Variants in TNRC6B observed in about 807,000 individuals in gnomAD.
TNRC6B encodes the protein trinucleotide repeat-containing gene 6B protein.
Under a neutral mutation model 203.6 loss-of-function variants are expected in TNRC6B, and 52 were observed. The ratio of observed to expected loss-of-function variants is 0.26; its 90% CI spans 0.20 to 0.32. The LOEUF is 0.32. Ranked by LOEUF, TNRC6B falls within the 10% of genes least tolerant of loss-of-function variation. The pLI is 1.00. For missense variants in TNRC6B, 1,923 were observed against 2,286.2 expected (o/e 0.84, Z 3.24); for synonymous variants, 838 against 845.7 (o/e 0.99, Z 0.16).
At chr22:40,227,823 C>T (rs950183212) in intron 1 of TNRC6B, among the ~76,000 whole-genome samples, 2 of 152,130 alleles carry the variant, frequency 1.3e-5, no homozygotes, top group African/African-American at 4.8e-5. Flanking sequence ...AAGGAAAACA[C>T]CTGAATGTTT....
Position 40,323,952 on chromosome 22 carries a change from TC to T in TNRC6B, c.*714del, listed in dbSNP as rs2071372535. ...GTCTCTGTGTGTGTGCCTGTGTTCT[TC>T]CCTTCTCCCCTGCCCCACCCTGACT... On this transcript the variant is annotated 3_prime_UTR_variant, in exon 23 of 23. Coordinates refer to ENST00000454349, the MANE Select transcript of TNRC6B (RefSeq NM_001162501.2). The T allele has an allele frequency of 6.6e-6, 1 of 152,448 alleles. No individual in the cohort carries two copies. Among genetic ancestry groups the T allele is most frequent in the Non-Finnish European group, 1.5e-5 (1 of 68,156 alleles). 9.4% of individuals were successfully genotyped at this position (152,448 alleles called of 1,614,324 possible).
At chr22:40,164,503 C>CCTAT (rs1198642204) in intron 4 of TNRC6B, among the ~76,000 whole-genome samples, 3 of 149,098 alleles carry the variant, frequency 2.0e-5, no homozygotes, top group Non-Finnish European at 4.5e-5. Flanking sequence ...TGGCTCAATG[C>CCTAT]CTATAATCCA....
intron 21 of TNRC6B, among the ~76,000 whole-genome samples, chr22:40,319,422 CTTTT>C (rs374148213): frequency 3.0e-4 from 34 of 112,732 alleles, no homozygotes; most frequent in Middle Eastern, 4.9e-3. Context: ...CTTTTCTTTT[CTTTT>C]TTTTTTTTTT....
intron 1 of TNRC6B, among the ~76,000 whole-genome samples, chr22:40,074,235 C>CAAAAAAAAAAAA (rs944802253): frequency 1.5e-5 from 1 of 68,400 alleles, no homozygotes. Flanking sequence ...CGCTCTGTCT[C>CAAAAAAAAAAAA]AAAAAAAAAA....
At chr22:40,214,549 GTTTTT>G (rs71735740) in intron 1 of TNRC6B, among the ~76,000 whole-genome samples, 1 of 148,208 alleles carries the variant, frequency 6.7e-6, no homozygotes, top group African/African-American at 2.5e-5. Flanking sequence ...TCTTTCTGTG[GTTTTT>G]TTTTTTATTT....
chr22:40,220,461 T>A (rs1479143548), intron 1 of TNRC6B, among the ~76,000 whole-genome samples: 1 of 151,550 alleles, frequency 6.6e-6, no homozygotes, highest in Non-Finnish European at 1.5e-5. Flanking sequence ...GTGACTTAGA[T>A]GGGAGATTGG....
At chr22:40,058,502 C>T (rs1184988118) in intron 1 of TNRC6B, among the ~76,000 whole-genome samples, 1 of 152,232 alleles carries the variant, frequency 6.6e-6, no homozygotes, top group Admixed American at 6.5e-5. Context: ...GGGACTCAAC[C>T]GATGCAGCAC....
At chr22:40,152,322 TTTTG>T (rs901255166) in intron 3 of TNRC6B, among the ~76,000 whole-genome samples, 4 of 152,126 alleles carry the variant, frequency 2.6e-5, no homozygotes, top group East Asian at 3.9e-4. Context: ...ACTTCAACGT[TTTTG>T]TTTGTTTGTT....
At chr22:40,117,856 A>T (rs528595114) in intron 2 of TNRC6B, among the ~76,000 whole-genome samples, 1 of 152,132 alleles carries the variant, frequency 6.6e-6, no homozygotes, top group African/African-American at 2.4e-5. Context: ...TCAATATTTT[A>T]TATTAAAGTT....
intron 4 of TNRC6B, among the ~76,000 whole-genome samples, chr22:40,159,575 C>A (rs1601849237): frequency 6.6e-6 from 1 of 151,608 alleles, no homozygotes; most frequent in Non-Finnish European, 1.5e-5. Context: ...GAAGGCGGAG[C>A]TTGCAGTGAG....
intron 1 of TNRC6B, among the ~76,000 whole-genome samples, chr22:40,196,171 A>G (rs1451481995): frequency 6.6e-6 from 1 of 150,484 alleles, no homozygotes; most frequent in Non-Finnish European, 1.5e-5. Context: ...CCTCTAATGG[A>G]TTTTTTTCTT....
At chr22:40,298,688 C>T (rs868372011) in intron 12 of TNRC6B, among the ~76,000 whole-genome samples, 4 of 151,052 alleles carry the variant, frequency 2.6e-5, no homozygotes, top group Admixed American at 6.6e-5. Context: ...GAGCTGGGGC[C>T]GGGCGCGGTG....
At chr22:40,256,570 A>G (rs1410660072) in intron 3 of TNRC6B, among the ~76,000 whole-genome samples, 2 of 152,238 alleles carry the variant, frequency 1.3e-5, no homozygotes, top group Non-Finnish European at 2.9e-5. Flanking sequence ...TTCATATTTC[A>G]CTGTCCGTAA....
chr22:40,108,708 G>A (rs983365381), intron 1 of TNRC6B, among the ~76,000 whole-genome samples: 1 of 152,180 alleles, frequency 6.6e-6, no homozygotes, highest in Non-Finnish European at 1.5e-5. Flanking sequence ...TTGCAAAGAT[G>A]TAAAACAGTG....
intron 1 of TNRC6B, among the ~76,000 whole-genome samples, chr22:40,110,181 A>G (rs1041380979): frequency 2.0e-5 from 3 of 152,264 alleles, no homozygotes; most frequent in Non-Finnish European, 2.9e-5. Flanking sequence ...GTAAATTGCC[A>G]AATTATAATT....
At chr22:40,301,786 CT>C (rs1300804569) in intron 15 of TNRC6B, among the ~76,000 whole-genome samples, 1 of 152,138 alleles carries the variant, frequency 6.6e-6, no homozygotes, top group Admixed American at 6.5e-5. Context: ...TGAGCATCCC[CT>C]AATCTAAAAA....
At chr22:40,242,494 G>A (rs890453772) in intron 1 of TNRC6B, among the ~76,000 whole-genome samples, 5 of 149,734 alleles carry the variant, frequency 3.3e-5, no homozygotes, top group Admixed American at 6.6e-5. Context: ...GCAGTGGCAC[G>A]ATTTCGGCCC....
intron 1 of TNRC6B, among the ~76,000 whole-genome samples, chr22:40,183,404 C>T (rs1734493094): frequency 6.6e-6 from 1 of 152,166 alleles, no homozygotes; most frequent in Non-Finnish European, 1.5e-5. Context: ...ACAGGAGCAG[C>T]ACGGAGCCTT....
chr22:40,248,077 GA>G (rs754161621), intron 2 of TNRC6B, among the ~76,000 whole-genome samples: 126 of 132,012 alleles, frequency 9.5e-4, no homozygotes, highest in Middle Eastern at 3.8e-3. Flanking sequence ...CTTGTGTCTA[GA>G]AAAAAAAAAA....
Sources: allele counts gnomAD v4.1 joint callset (sites outside exome capture counted in the v4.1 genomes callset), GRCh38; gene constraint gnomAD v4.1.1; transcripts MANE v1.5; gene names NCBI Gene and HGNC (gene_info 2026-07-23, HGNC 2026-07-21).